The following ANKFN1 variants were observed in gnomAD, a reference collection of about 807,000 sequenced individuals.
ANKFN1 encodes ankyrin repeat and fibronectin type-III domain-containing protein 1.
ANKFN1 carries 74 observed loss-of-function variants against 108.7 expected under a neutral mutation model. That is an observed-to-expected ratio of 0.68 (90% CI 0.56 to 0.83). ANKFN1 has a LOEUF of 0.83. Ranked by LOEUF, ANKFN1 falls within the 40% of genes least tolerant of loss-of-function variation. ANKFN1 has a pLI of 0.00. For synonymous variants in ANKFN1, 547 were observed against 516.2 expected (o/e 1.06, Z -0.81); for missense variants, 1,505 against 1,382.3 (o/e 1.09, Z -1.41).
chr17:56,327,395 G>T (rs539351765), intron 4 of ANKFN1, among the ~76,000 whole-genome samples: 2 of 152,038 alleles, frequency 1.3e-5, no homozygotes, highest in Non-Finnish European at 2.9e-5. Flanking sequence ...CACTCTATCT[G>T]CAGTATATCA....
intron 4 of ANKFN1, among the ~76,000 whole-genome samples, chr17:56,095,774 A>G (rs975593618): frequency 6.6e-6 from 1 of 152,166 alleles, no homozygotes. Context: ...ATGGTCTGTG[A>G]CTCACAGGAG....
At chr17:56,418,408 C>T (rs2048303103) in intron 8 of ANKFN1, among the ~76,000 whole-genome samples, 1 of 151,898 alleles carries the variant, frequency 6.6e-6, no homozygotes, top group Non-Finnish European at 1.5e-5. Flanking sequence ...AAGAGAAGCC[C>T]CTTTGTTTTA....
intron 4 of ANKFN1, among the ~76,000 whole-genome samples, chr17:56,079,160 G>T (rs1251436580): frequency 6.6e-6 from 1 of 152,164 alleles, no homozygotes. Context: ...GTGTGACGAG[G>T]GCCAAAAGGA....
chr17:56,325,266 G>A (rs1035072543), intron 3 of ANKFN1, among the ~76,000 whole-genome samples: 24 of 38,646 alleles, frequency 6.2e-4, no homozygotes, highest in Admixed American at 1.7e-3. Flanking sequence ...GTGTCGCTGT[G>A]TGTGTGTGTG....
At position 56,067,451 on chromosome 17, in the gene ANKFN1, C is replaced by G. The variant is rs888607393; in HGVS notation, c.288+21126C>G. 1.3e-5 allele frequency among the ~76,000 whole-genome samples: 2 copies of G among 152,298 alleles called. 1 individual carries two copies. The highest frequency in any genetic ancestry group is 4.8e-5 in the African/African-American group (2 of 41,552). On this transcript the variant is annotated intron_variant, in intron 4 of 12. Transcript: ENST00000635860. ...TTTATCTCATGGCCTCTCTTTCTCA[C>G]TCCCATACATGAAGCCTCAACTACC...
intron 8 of ANKFN1, among the ~76,000 whole-genome samples, chr17:56,426,121 A>G (rs2048560654): frequency 6.6e-6 from 1 of 152,208 alleles, no homozygotes; most frequent in African/African-American, 2.4e-5. Flanking sequence ...TTTCCCTCCA[A>G]TAAGTCCACA....
intron 19 of ANKFN1, among the ~76,000 whole-genome samples, chr17:56,495,711 A>C (rs1242691078): frequency 6.6e-6 from 1 of 152,170 alleles, no homozygotes; most frequent in African/African-American, 2.4e-5. Flanking sequence ...TAAAGCCTAA[A>C]GGGCAATTAG....
At chr17:56,452,932 C>CG (rs1192235584) in intron 11 of ANKFN1, among the ~76,000 whole-genome samples, 8 of 152,240 alleles carry the variant, frequency 5.3e-5, no homozygotes, top group African/African-American at 1.9e-4. Flanking sequence ...TCATTTCTCT[C>CG]GTCTCTAAAA....
In ANKFN1 at chr17:56,510,487, T is replaced by G; in HGVS notation, c.2659T>G (p.Ser887Ala). Residue 887 changes from serine to alanine, a missense_variant, in exon 21 of 21, where the codon TCT becomes GCT. By Grantham distance (99) the Ser-to-Ala change is moderately conservative. Transcript: ENST00000682825. ...TGGCTTCGCAGATTCACAGCCCTGC[T>G]CTGATGAAGAAGCCTGCTCAGAAGT... ...RKTVSDSQPC[S>A]DEEACSEVFL... 1.3e-6 allele frequency: 2 copies of G among 1,536,116 alleles called. No individual in the cohort carries two copies. The highest frequency in any genetic ancestry group is 1.7e-6 in the Non-Finnish European group (2 of 1,146,898).
At chr17:56,309,697 C>G (rs1239433099) in intron 3 of ANKFN1, among the ~76,000 whole-genome samples, 1 of 152,130 alleles carries the variant, frequency 6.6e-6, no homozygotes, top group Non-Finnish European at 1.5e-5. Flanking sequence ...CCTATATACA[C>G]TATGTTTTTC....
chr17:56,456,014 G>A (rs911936488), intron 11 of ANKFN1, among the ~76,000 whole-genome samples: 2 of 152,180 alleles, frequency 1.3e-5, no homozygotes, highest in Non-Finnish European at 2.9e-5. Flanking sequence ...AATGCTGGCA[G>A]TGGTTATACA....
At chr17:56,315,664 C>G (rs529562753) in intron 3 of ANKFN1, among the ~76,000 whole-genome samples, 2 of 152,312 alleles carry the variant, frequency 1.3e-5, no homozygotes, top group Admixed American at 6.5e-5. Context: ...TTGGCATATG[C>G]AGTCCTTGAG....
chr17:56,233,702 A>G (rs1353848119), intron 3 of ANKFN1, among the ~76,000 whole-genome samples: 1 of 151,936 alleles, frequency 6.6e-6, no homozygotes, highest in Non-Finnish European at 1.5e-5. Flanking sequence ...AAAGATGTGT[A>G]TGTTTGCCTG....
chr17:56,368,076 G>T, intron 6 of ANKFN1: 1 of 818,530 alleles, frequency 1.2e-6, no homozygotes, highest in Non-Finnish European at 1.7e-6. Flanking sequence ...ATCAGATCCA[G>T]AGGCTAGTAG....
intron 1 of ANKFN1, chr17:56,174,094 A>C (rs1910911894): frequency 8.2e-6 from 7 of 858,652 alleles, no homozygotes; most frequent in Non-Finnish European, 9.8e-6. Flanking sequence ...CTGCCTTCCA[A>C]GAATCCGTGG....
intron 4 of ANKFN1, among the ~76,000 whole-genome samples, chr17:56,046,672 T>C (rs955151717): frequency 6.6e-6 from 1 of 152,170 alleles, no homozygotes; most frequent in South Asian, 2.1e-4. Context: ...CTTTTGCAGA[T>C]GTGTGGATCT....
At chr17:56,335,948 G>A (rs570392595) in intron 4 of ANKFN1, among the ~76,000 whole-genome samples, 3 of 152,304 alleles carry the variant, frequency 2.0e-5, no homozygotes, top group South Asian at 4.1e-4. Context: ...TTTGTCAAAG[G>A]CCTTTTCTGC....
chr17:56,108,641 C>T (rs372515015), intron 4 of ANKFN1, among the ~76,000 whole-genome samples: 4 of 152,172 alleles, frequency 2.6e-5, no homozygotes, highest in Non-Finnish European at 2.9e-5. Flanking sequence ...GCAGAACTGA[C>T]GTTCAAACCC....
At chr17:56,354,560 T>G (rs150251139) in intron 6 of ANKFN1, among the ~76,000 whole-genome samples, 265 of 152,222 alleles carry the variant, frequency 1.7e-3, no homozygotes, top group African/African-American at 5.7e-3. Context: ...AGCAAGTAAA[T>G]AGATAAAATA....
Sources: gnomAD v4.1 joint callset for allele counts (sites outside exome capture counted in the v4.1 genomes callset) on GRCh38, gnomAD v4.1.1 for gene constraint, MANE v1.5 for transcripts, NCBI Gene and HGNC (gene_info 2026-07-23, HGNC 2026-07-21) for gene names.